POU2F2: variants seen among roughly 807,000 people sequenced by gnomAD.
POU2F2 encodes POU class 2 homeobox 2.
In POU2F2, 14 loss-of-function variants were observed where a neutral mutation model predicts 63.5. The observed-to-expected ratio is 0.22, with a 90% confidence interval of 0.15 to 0.34. The LOEUF (loss-of-function observed/expected upper bound fraction) is 0.34. Among genes scored for constraint, POU2F2 ranks in the 10% least tolerant of loss-of-function variants. The pLI is 1.00. For missense variants in POU2F2, 607 were observed against 815.2 expected (o/e 0.74, Z 3.11); for synonymous variants, 306 against 348.6 (o/e 0.88, Z 1.36).
intron 1 of POU2F2, among the ~76,000 whole-genome samples, chr19:42,172,806 A>C (rs1007024618): frequency 2.6e-5 from 4 of 152,112 alleles, no homozygotes; most frequent in Admixed American, 1.3e-4. Context: ...GCATCCATCC[A>C]CCCGACAGGT....
In POU2F2 at chr19:42,152,987, A is replaced by G. The variant is rs1360745391; in HGVS notation, c.-9+7345T>C. On this transcript the variant is annotated intron_variant, in intron 2 of 6. Coordinates refer to the POU2F2 transcript ENST00000524801. The surrounding 1 kb of genome is among the most constrained non-coding windows in gnomAD (Gnocchi z 4.1). ...TAGGCTACGGTGAATGGACACAAAG[A>G]ACAGTGGGGCGAACCCTCAGGCCGG... Among the ~76,000 whole-genome samples the G allele has an allele frequency of 6.6e-6, 1 of 152,020 alleles. No homozygotes were observed. Among genetic ancestry groups the G allele is most frequent in the Non-Finnish European group, 1.5e-5 (1 of 67,978 alleles).
chr19:42,183,398 G>A lies in POU2F2; in HGVS notation c.-70+12985C>T, dbSNP rs558271503. Among the ~76,000 whole-genome samples the A allele has an allele frequency of 2.0e-5, 3 of 152,296 alleles. No individual in the cohort carries two copies. The East Asian group carries it at 5.8e-4, about 29-fold the overall frequency. On this transcript the variant is annotated intron_variant, in intron 1 of 5. Coordinates refer to the POU2F2 transcript ENST00000532176. Reference sequence around the variant, plus strand: ...TTCTAGACAGCAAAACTACTGTGACGGAAAAGCAAATGAGTGGTTGAAAAG... The same window carrying A: ...TTCTAGACAGCAAAACTACTGTGACAGAAAAGCAAATGAGTGGTTGAAAAG...
At chr19:42,145,692 T>A (rs1259788433) in intron 2 of POU2F2, among the ~76,000 whole-genome samples, 1 of 152,170 alleles carries the variant, frequency 6.6e-6, no homozygotes, top group Non-Finnish European at 1.5e-5. Context: ...CCCAGCACTC[T>A]GGGAGGCCAA....
chr19:42,111,435 A>G (rs1383952392), intron 5 of POU2F2, among the ~76,000 whole-genome samples: 1 of 152,048 alleles, frequency 6.6e-6, no homozygotes, highest in Non-Finnish European at 1.5e-5. Context: ...CTTCCTGACA[A>G]CTAACAACTT....
upstream of POU2F2, among the ~76,000 whole-genome samples, chr19:42,179,683 C>T (rs2034938864): frequency 1.3e-5 from 2 of 152,044 alleles, no homozygotes; most frequent in African/African-American, 2.4e-5. Flanking sequence ...GTGAGAAACA[C>T]GAGAATCACC....
chr19:42,152,483 TG>T lies in POU2F2; in HGVS notation c.-9+7848del, dbSNP rs1304780118. 6.6e-6 allele frequency: 1 copy of T among 152,052 alleles called. No homozygotes were observed. Among genetic ancestry groups the T allele is most frequent in the East Asian group, 1.9e-4 (1 of 5,178 alleles). The allele number at this position is 152,052 out of a possible 1,614,324, so 9.4% of individuals were successfully genotyped here. ...CTGGCTATCGACCGGGGCTGTGACA[TG>T]GTGGATCAATACGGCAGGGATATAA... On this transcript the variant is annotated intron_variant, in intron 2 of 6. Transcript: ENST00000524801. The surrounding 1 kb of genome is among the most constrained non-coding windows in gnomAD (Gnocchi z 4.1).
chr19:42,097,005 G>GAA (rs891350078), intron 7 of POU2F2, among the ~76,000 whole-genome samples: 6 of 130,676 alleles, frequency 4.6e-5, no homozygotes, highest in African/African-American at 1.7e-4. Context: ...TAAAAGTTAA[G>GAA]AAAAAAAAAA....
At chr19:42,097,417 G>A (rs1319363071) in intron 7 of POU2F2, among the ~76,000 whole-genome samples, 11 of 151,514 alleles carry the variant, frequency 7.3e-5, no homozygotes, top group South Asian at 6.3e-4. Flanking sequence ...GGCTGGTCTC[G>A]AACTCCCGAC....
At chr19:42,126,154 A>G (rs1456285587) in intron 1 of POU2F2, among the ~76,000 whole-genome samples, 1 of 152,112 alleles carries the variant, frequency 6.6e-6, no homozygotes, top group Non-Finnish European at 1.5e-5. Flanking sequence ...GCATCCTTAT[A>G]AGAAGAGGGG....
chr19:42,158,514 G>A (rs550386064), intron 2 of POU2F2, among the ~76,000 whole-genome samples: 1 of 152,326 alleles, frequency 6.6e-6, no homozygotes, highest in East Asian at 1.9e-4. Context: ...CTGTGCCTCA[G>A]TTTCTTTGTC....
Position 42,092,912 on chromosome 19 carries a change from GA to G in POU2F2, c.1265-643del, listed in dbSNP as rs748789556. ...TCCACTTACTATTTTCTAGCCTGGG[GA>G]GGGGCAACGTGTTGTTTTATGTGTA... On this transcript the variant is annotated intron_variant, in intron 12 of 14. Transcript: ENST00000692977. The surrounding 1 kb of genome is among the most constrained non-coding windows in gnomAD (Gnocchi z 5.0). 1.6e-4 allele frequency among the ~76,000 whole-genome samples: 24 copies of G among 151,276 alleles called. No homozygotes were observed. Among genetic ancestry groups the G allele is most frequent in the Non-Finnish European group, 2.9e-4 (20 of 67,900 alleles).
chr19:42,185,515 T>G (rs890145348), intron 1 of POU2F2, among the ~76,000 whole-genome samples: 2 of 152,166 alleles, frequency 1.3e-5, no homozygotes, highest in African/African-American at 2.4e-5. Context: ...CCACTATGCA[T>G]CCTGTACTGC....
At chr19:42,135,242 A>G (rs1266632543), upstream of POU2F2, among the ~76,000 whole-genome samples, 7 of 151,882 alleles carry the variant, frequency 4.6e-5, no homozygotes, top group African/African-American at 1.7e-4. Flanking sequence ...AGACAGGGAG[A>G]CCAAGCCTCA....
At chr19:42,127,663 G>A (rs2033332412) in intron 1 of POU2F2, among the ~76,000 whole-genome samples, 1 of 152,030 alleles carries the variant, frequency 6.6e-6, no homozygotes, top group Admixed American at 6.5e-5. Context: ...TTACAGGCGT[G>A]AGCCACCACG....
chr19:42,173,843 G>A (rs898194731), intron 1 of POU2F2, among the ~76,000 whole-genome samples: 1 of 152,114 alleles, frequency 6.6e-6, no homozygotes, highest in Non-Finnish European at 1.5e-5. Context: ...CCTCTCCAAC[G>A]GCAAGGATGG....
chr19:42,096,370 G>T lies in POU2F2; in HGVS notation c.568-127C>A. 2.0e-6 allele frequency: 2 copies of T among 980,250 alleles called. No homozygotes were observed. Among genetic ancestry groups the T allele is most frequent in the Non-Finnish European group, 2.9e-6 (2 of 682,908 alleles). 60.7% of individuals were successfully genotyped at this position (980,250 alleles called of 1,614,324 possible). ...CATCCGCCGCCTGCAGACTCCCCCC[G>T]CCTTCCTCCACAAGCACCGTCAATC... On this transcript the variant is annotated intron_variant, in intron 7 of 14. Coordinates refer to ENST00000692977, the MANE Select transcript of POU2F2 (RefSeq NM_001394376.1). This position sits in a 1 kb window ranked among gnomAD's most constrained non-coding sequence, Gnocchi z 4.1.
At chr19:42,196,066 C>T (rs2035141825) in intron 1 of POU2F2, among the ~76,000 whole-genome samples, 1 of 152,288 alleles carries the variant, frequency 6.6e-6, no homozygotes, top group East Asian at 1.9e-4. Context: ...TGTTATTTCA[C>T]AACTAAACGT....
intron 2 of POU2F2, among the ~76,000 whole-genome samples, chr19:42,147,763 T>C (rs2146765461): frequency 6.6e-6 from 1 of 152,270 alleles, no homozygotes; most frequent in East Asian, 1.9e-4. Context: ...TGACAGTGCG[T>C]TGGGAAAAAA....
chr19:42,145,989 C>T (rs1407458405), intron 2 of POU2F2, among the ~76,000 whole-genome samples: 2 of 145,456 alleles, frequency 1.4e-5, no homozygotes, highest in Admixed American at 6.9e-5. Flanking sequence ...GCCGAGATCG[C>T]GCCACTGCAC....
Sources: allele counts gnomAD v4.1 joint callset (sites outside exome capture counted in the v4.1 genomes callset), GRCh38; gene constraint gnomAD v4.1.1; non-coding constraint Gnocchi (gnomAD v3.1); transcripts MANE v1.5; gene names NCBI Gene and HGNC (gene_info 2026-07-23, HGNC 2026-07-21).